The following ANO10 variants were observed in gnomAD, a reference collection of about 807,000 sequenced individuals.
The protein encoded by ANO10 is anoctamin-10.
In ANO10, 77 loss-of-function variants were observed where a neutral mutation model predicts 74.7. The observed-to-expected ratio is 1.03, with a 90% CI of 0.86 to 1.25. The LOEUF (loss-of-function observed/expected upper bound fraction) is 1.25, where lower values mean the gene tolerates loss of function less well. Ranked by LOEUF, ANO10 falls within the 50% of genes most tolerant of loss-of-function variation. The probability of loss-of-function intolerance (pLI) is 0.00; values close to 1 mark genes in which losing one functional copy is unlikely to be tolerated. For missense variants in ANO10, 721 were observed against 778.1 expected, an observed-to-expected ratio of 0.93 and a Z score of 0.87; for synonymous variants, 279 against 284.9, an observed-to-expected ratio of 0.98 and a Z score of 0.21.
At chr3:43,508,809 C>T (rs1287232472) in intron 11 of ANO10, among the ~76,000 whole-genome samples, 11 of 130,152 alleles carry the variant, frequency 8.5e-5, no homozygotes, top group African/African-American at 3.1e-4. Context: ...TAGGGGGAGG[C>T]GGGAGGGATA....
chr3:43,383,368 G>A (rs1473728150), intron 12 of ANO10, among the ~76,000 whole-genome samples: 1 of 151,498 alleles, frequency 6.6e-6, no homozygotes, highest in Admixed American at 6.6e-5. Context: ...ACAGGAGAAT[G>A]GCGTGAACAT....
At chr3:43,459,732 G>A (rs557065027) in intron 11 of ANO10, among the ~76,000 whole-genome samples, 2 of 152,330 alleles carry the variant, frequency 1.3e-5, no homozygotes, top group East Asian at 3.9e-4. Flanking sequence ...TTGGGCCTCA[G>A]ATGGTAGGAG....
intron 11 of ANO10, among the ~76,000 whole-genome samples, chr3:43,514,024 ATAT>A (rs1457399001): frequency 8.0e-5 from 12 of 150,472 alleles, no homozygotes; most frequent in African/African-American, 1.9e-4. Context: ...TAGAAATAGC[ATAT>A]TATAATTTAT....
At chr3:43,564,687 A>G (rs751295609) in intron 8 of ANO10, among the ~76,000 whole-genome samples, 12 of 152,174 alleles carry the variant, frequency 7.9e-5, no homozygotes, top group Non-Finnish European at 1.6e-4. Flanking sequence ...TATGTACATG[A>G]ATCTTTGCTC....
At chr3:43,625,247 G>A (rs961657498), upstream of ANO10, among the ~76,000 whole-genome samples, 2 of 152,216 alleles carry the variant, frequency 1.3e-5, no homozygotes, top group South Asian at 4.1e-4. Flanking sequence ...TGGTCCTGTG[G>A]CTACATGGTC....
chr3:43,464,872 CT>C (rs2075548219), intron 11 of ANO10, among the ~76,000 whole-genome samples: 1 of 152,084 alleles, frequency 6.6e-6, no homozygotes, highest in Non-Finnish European at 1.5e-5. Context: ...TAAAAAGATA[CT>C]GAGAAAGAGA....
intron 11 of ANO10, among the ~76,000 whole-genome samples, chr3:43,463,563 C>G (rs1008916801): frequency 2.0e-5 from 3 of 152,184 alleles, no homozygotes; most frequent in African/African-American, 7.2e-5. Context: ...GGATTTTGGA[C>G]TTGCATGGGG....
intron 9 of ANO10, among the ~76,000 whole-genome samples, chr3:43,555,738 T>G (rs1254125977): frequency 6.6e-6 from 1 of 152,222 alleles, no homozygotes; most frequent in African/African-American, 2.4e-5. Flanking sequence ...TAAACATTAT[T>G]ATTATCGCAT....
chr3:43,497,894 T>C (rs2076971332), intron 11 of ANO10, among the ~76,000 whole-genome samples: 1 of 152,236 alleles, frequency 6.6e-6, no homozygotes, highest in Non-Finnish European at 1.5e-5. Context: ...CCAGTACAAA[T>C]TGAGCTACTC....
intron 11 of ANO10, among the ~76,000 whole-genome samples, chr3:43,496,252 G>C (rs17582761): frequency 0.012 from 1,764 of 152,220 alleles, 15 homozygotes; most frequent in South Asian, 0.02. Flanking sequence ...CAGGAGAAAA[G>C]CTGGACCATG....
At chr3:43,381,334 A>G (rs2174636) in intron 12 of ANO10, among the ~76,000 whole-genome samples, 9,286 of 152,258 alleles carry the variant, frequency 0.061, 673 homozygotes, top group Admixed American at 0.15. Context: ...CACCTGACAC[A>G]TAAGAACTCA....
At chr3:43,575,438 C>G (rs1219245766) in intron 6 of ANO10, among the ~76,000 whole-genome samples, 1 of 152,188 alleles carries the variant, frequency 6.6e-6, no homozygotes, top group Non-Finnish European at 1.5e-5. Context: ...CTCAGCTACT[C>G]AGCCACTGCC....
chr3:43,606,007 G>A (rs372489389), intron 1 of ANO10, 144 bp from the exon 2 acceptor site: 2 of 856,826 alleles, frequency 2.3e-6, no homozygotes, highest in African/African-American at 1.7e-5. Context: ...TGGGTTATAT[G>A]ACAGACTCAA....
At chr3:43,370,847 C>A (rs562107108) in intron 12 of ANO10, among the ~76,000 whole-genome samples, 1 of 152,128 alleles carries the variant, frequency 6.6e-6, no homozygotes, top group Non-Finnish European at 1.5e-5. Context: ...ACAGCTTGAC[C>A]TGAGGAAGAC....
intron 11 of ANO10, among the ~76,000 whole-genome samples, chr3:43,448,878 T>C (rs1301430987): frequency 6.7e-6 from 1 of 150,354 alleles, no homozygotes; most frequent in African/African-American, 2.4e-5. Context: ...TCTTTCTTTT[T>C]TTTTTTTTTT....
chr3:43,559,271 T>C (rs1281320095), intron 9 of ANO10, among the ~76,000 whole-genome samples: 1 of 152,176 alleles, frequency 6.6e-6, no homozygotes, highest in Non-Finnish European at 1.5e-5. Context: ...ATGAGGACTG[T>C]ACTAAAAACC....
chr3:43,673,291 G>A (rs2084081844), intron 1 of ANO10, among the ~76,000 whole-genome samples: 2 of 152,140 alleles, frequency 1.3e-5, no homozygotes, highest in African/African-American at 4.8e-5. Context: ...TTTGTTTTCT[G>A]CCACAAGTGC....
intron 11 of ANO10, among the ~76,000 whole-genome samples, chr3:43,515,650 A>G (rs1206638438): frequency 6.6e-6 from 1 of 152,236 alleles, no homozygotes; most frequent in Non-Finnish European, 1.5e-5. Context: ...AATTACCAAT[A>G]TCAAGAATAG....
chr3:43,689,823 T>C (rs1255906032), intron 1 of ANO10, among the ~76,000 whole-genome samples: 3 of 152,142 alleles, frequency 2.0e-5, no homozygotes, highest in South Asian at 2.1e-4. Flanking sequence ...AAGGTTAATA[T>C]ATTCGCGTAG....
Sources: allele counts gnomAD v4.1 joint callset (sites outside exome capture counted in the v4.1 genomes callset), GRCh38; gene constraint gnomAD v4.1.1; transcripts MANE v1.5; gene names NCBI Gene and HGNC (gene_info 2026-07-23, HGNC 2026-07-21).